PLBD2: variants seen among roughly 807,000 people sequenced by gnomAD.
PLBD2 encodes putative aminopeptidase PLBD2.
Under a neutral mutation model 68.3 loss-of-function variants are expected in PLBD2, and 51 were observed. The observed-to-expected ratio is 0.75, with a 90% CI of 0.60 to 0.94. The LOEUF is 0.94. Among genes scored for constraint, PLBD2 ranks in the 40% least tolerant of loss-of-function variants. The pLI is 0.00. For missense variants in PLBD2, 729 were observed against 792.2 expected (o/e 0.92, Z 0.96); for synonymous variants, 314 against 339.3 (o/e 0.93, Z 0.82).
intron 1 of PLBD2, 43 bp from the exon 2 acceptor site, chr12:113,369,073 G>A: frequency 7.2e-7 from 1 of 1,398,560 alleles, no homozygotes; most frequent in Non-Finnish European, 9.9e-7. Flanking sequence ...TGTCTAGCTG[G>A]GGGCCTCTGC....
intron 6 of PLBD2, among the ~76,000 whole-genome samples, chr12:113,382,322 A>T (rs1380833906): frequency 5.3e-5 from 8 of 152,250 alleles, no homozygotes; most frequent in Admixed American, 2.0e-4. Context: ...TGATACTTTA[A>T]GGTATGTACA....
rs761817689 is a variant in PLBD2 at position 113,374,895 on chromosome 12, G to A, written c.747G>A (p.Lys249=). ...CTGGCTCCTGTTCTGCCCTCATCAA[G>A]CTGCTCCCTGGCCAGAGTGACCTCC... is the stretch of plus-strand genomic sequence containing the variant. ...LGSGSCSALI[K]LLPGQSDLLV... Residue 249 remains lysine, a synonymous_variant, in exon 5 of 12, where the codon AAG becomes AAA. Transcript: ENST00000280800. The A allele has an allele frequency of 4.0e-5, 65 of 1,613,940 alleles. No homozygotes were observed. Among genetic ancestry groups the A allele is most frequent in the Non-Finnish European group, 5.3e-5 (63 of 1,180,042 alleles).
chr12:113,359,231 G>A (rs1196142460), intron 1 of PLBD2: 1 of 263,564 alleles, frequency 3.8e-6, no homozygotes, highest in Non-Finnish European at 7.2e-6. Context: ...ACGGGGACCT[G>A]CTCCCTTCCC....
At chr12:113,362,615 G>A (rs898526567) in intron 1 of PLBD2, among the ~76,000 whole-genome samples, 2 of 151,610 alleles carry the variant, frequency 1.3e-5, no homozygotes, top group Non-Finnish European at 2.9e-5. Flanking sequence ...AAAAGATTGA[G>A]GAAACAGACC....
rs531049538 is a variant in PLBD2, at chr12:113,388,069, C to A, written c.1602+163C>A. Among the ~76,000 whole-genome samples the A allele has an allele frequency of 4.1e-4, 63 of 152,108 alleles. No homozygotes were observed. The highest frequency in any genetic ancestry group is 7.9e-4 in the Admixed American group (12 of 15,276). ...TAAAGGTGACAGTATGGGCTGGGCA[C>A]GGTGGCTCATGCCTGTAATCCCAGC... On this transcript the variant is annotated intron_variant, in intron 11 of 11. Transcript: ENST00000280800.
chr12:113,373,262 G>A (rs1957405565), intron 3 of PLBD2, among the ~76,000 whole-genome samples: 1 of 152,222 alleles, frequency 6.6e-6, no homozygotes, highest in South Asian at 2.1e-4. Context: ...GGCAGCTAAC[G>A]GAGAGGCCCA....
chr12:113,384,377 C>T lies in PLBD2; in HGVS notation c.1118+112C>T, dbSNP rs1489575155. The T allele has an allele frequency of 3.6e-5, 48 of 1,335,966 alleles. No homozygotes were observed. The highest frequency in any genetic ancestry group is 1.9e-4 in the Middle Eastern group (1 of 5,312). The allele number at this position is 1,335,966 out of a possible 1,614,324, so 82.8% of individuals were successfully genotyped here. ...TGTGGCATCCGGGCCACACACCCCA[C>T]GCCCTCCTTTGTTTCATACATGGGG... is the stretch of plus-strand genomic sequence containing the variant. On this transcript the variant is annotated intron_variant, in intron 7 of 11. Coordinates refer to ENST00000280800, the MANE Select transcript of PLBD2 (RefSeq NM_173542.4). The surrounding 1 kb of genome is among the most constrained non-coding windows in gnomAD (Gnocchi z 4.2).
chr12:113,367,587 A>C (rs752358347), intron 1 of PLBD2, among the ~76,000 whole-genome samples: 1 of 150,832 alleles, frequency 6.6e-6, no homozygotes, highest in Admixed American at 6.6e-5. Flanking sequence ...CCGTCTCTAC[A>C]AAAAATACCA....
rs746038065 is a variant in PLBD2, at chr12:113,374,779, C to T, written c.645-14C>T. The stretch of plus-strand genomic sequence containing the variant: ...GCAGGCGTGGTAACCCTCTGATGCC[C>T]TGGCCCTCCTCAGCCTGCTGCAGCT... On this transcript the variant is annotated splice_polypyrimidine_tract_variant and intron_variant, in intron 4 of 11. Transcript: ENST00000280800. 4 of 1,613,312 alleles carry T rather than the reference C, an allele frequency of 2.5e-6. No homozygotes were observed. In the African/African-American group the frequency reaches 5.3e-5, roughly 22 times the overall value.
chr12:113,381,593 G>A (rs1317754418), intron 6 of PLBD2, among the ~76,000 whole-genome samples: 1 of 152,084 alleles, frequency 6.6e-6, no homozygotes, highest in African/African-American at 2.4e-5. Flanking sequence ...GGCAAGAGAG[G>A]GCCAGGCGGT....
At chr12:113,388,287 A>C (rs1223369144) in intron 11 of PLBD2, among the ~76,000 whole-genome samples, 172 bp from the exon 12 acceptor site, 4 of 151,940 alleles carry the variant, frequency 2.6e-5, no homozygotes, top group Non-Finnish European at 5.9e-5. Flanking sequence ...GGTTGCAGTG[A>C]GCCAAGATCA....
At chr12:113,369,365 A>G (rs148153096) in intron 2 of PLBD2, among the ~76,000 whole-genome samples, 156 bp downstream of exon 2, 1 of 152,328 alleles carries the variant, frequency 6.6e-6, no homozygotes, top group African/African-American at 2.4e-5. Context: ...CATTCTTTAG[A>G]AAATTACACT....
intron 6 of PLBD2, among the ~76,000 whole-genome samples, chr12:113,382,588 C>T (rs1319584646): frequency 1.3e-5 from 2 of 151,710 alleles, no homozygotes; most frequent in Non-Finnish European, 2.9e-5. Context: ...GAACTATAGG[C>T]GCCTGCCACC....
chr12:113,370,472 C>CTTTTTTTTTTTT (rs71086162), intron 2 of PLBD2, among the ~76,000 whole-genome samples: 170 of 103,638 alleles, frequency 1.6e-3, no homozygotes, highest in Non-Finnish European at 2.0e-3. Flanking sequence ...TTTTTCTTTT[C>CTTTTTTTTTTTT]TTTTTTTTTT....
At chr12:113,366,015 G>A (rs994810304) in intron 1 of PLBD2, among the ~76,000 whole-genome samples, 16 of 152,124 alleles carry the variant, frequency 1.1e-4, no homozygotes, top group Non-Finnish European at 1.9e-4. Flanking sequence ...GCATTTTGAA[G>A]GCCAGATGAA....
intron 11 of PLBD2, 38 bp downstream of exon 11, chr12:113,387,944 G>A (rs747911843): frequency 1.2e-6 from 2 of 1,605,180 alleles, no homozygotes; most frequent in East Asian, 4.5e-5. Context: ...TGTGGGTGGG[G>A]GAAGTCACCA....
chr12:113,366,231 C>T (rs1957341070), intron 1 of PLBD2, among the ~76,000 whole-genome samples: 1 of 152,198 alleles, frequency 6.6e-6, no homozygotes, highest in Admixed American at 6.5e-5. Context: ...CTGCCTCTCC[C>T]TGTCTTGTAC....
Position 113,376,364 on chromosome 12 carries a change from A to G in PLBD2, c.859+1357A>G, listed in dbSNP as rs532279476. ...TTTTTAGTAGAGACGGGGTTTTGCC[A>G]TGTTGGCCAGGCTGGTCTTGAACTC... On this transcript the variant is annotated intron_variant, in intron 5 of 11. Transcript: ENST00000280800. Among the ~76,000 whole-genome samples the G allele has an allele frequency of 1.3e-4, 19 of 151,608 alleles. No homozygotes were observed. In the South Asian group the frequency reaches 4.0e-3, roughly 32 times the overall value.
Position 113,372,867 on chromosome 12 carries a change from C to G in PLBD2, c.543+60C>G. The G allele has an allele frequency of 6.3e-7, 1 of 1,576,638 alleles. No individual in the cohort carries two copies. The highest frequency in any genetic ancestry group is 1.7e-5 in the Admixed American group (1 of 58,724). On this transcript the variant is annotated intron_variant, in intron 3 of 11. Transcript: ENST00000280800. The surrounding 1 kb of genome is among the most constrained non-coding windows in gnomAD (Gnocchi z 4.2). ...TTCCAGCTGGCCAGCCATCCTGTCT[C>G]CTGTTGTTCTGGCCAGCCTTGTGGC...
Sources: allele counts gnomAD v4.1 joint callset (sites outside exome capture counted in the v4.1 genomes callset), GRCh38; gene constraint gnomAD v4.1.1; non-coding constraint Gnocchi (gnomAD v3.1); transcripts MANE v1.5; gene names NCBI Gene and HGNC (gene_info 2026-07-23, HGNC 2026-07-21).